Variants in SPON1 observed in about 807,000 individuals in gnomAD.
SPON1 encodes spondin 1.
SPON1 carries 52 observed loss-of-function variants against 111.7 expected under a neutral mutation model. That is an observed-to-expected ratio of 0.47 (90% CI 0.37 to 0.59). The LOEUF is 0.59. Among genes scored for constraint, SPON1 ranks in the 20% least tolerant of loss-of-function variants. The pLI, the probability that SPON1 is intolerant of heterozygous loss-of-function variation, is 0.00. For synonymous variants in SPON1, 410 were observed against 395.8 expected (o/e 1.04, Z -0.43); for missense variants, 957 against 1,068.5 (o/e 0.90, Z 1.46).
At chr11:13,965,498 A>G (rs1848009439) in intron 1 of SPON1, among the ~76,000 whole-genome samples, 1 of 152,226 alleles carries the variant, frequency 6.6e-6, no homozygotes, top group Non-Finnish European at 1.5e-5. Flanking sequence ...GTCCAGGGCC[A>G]GCAGGTGGGG....
At chr11:14,144,863 G>A (rs1302649957) in intron 6 of SPON1, among the ~76,000 whole-genome samples, 1 of 151,936 alleles carries the variant, frequency 6.6e-6, no homozygotes, top group African/African-American at 2.4e-5. Flanking sequence ...AGTCAGATTG[G>A]GTCTGTTTTT....
At chr11:14,172,067 G>C (rs1409830093) in intron 6 of SPON1, among the ~76,000 whole-genome samples, 1 of 152,238 alleles carries the variant, frequency 6.6e-6, no homozygotes, top group East Asian at 1.9e-4. Context: ...CTGTCTCGTT[G>C]ATCTGTCTAA....
At position 14,265,521 on chromosome 11, in the gene SPON1, C is replaced by T; in HGVS notation, c.2261-3C>T. 2 of 1,611,954 alleles carry T rather than the reference C, an allele frequency of 1.2e-6. No individual in the cohort carries two copies. The highest frequency in any genetic ancestry group is 2.2e-5 in the South Asian group (2 of 90,454). On this transcript the variant is annotated splice_region_variant and splice_polypyrimidine_tract_variant and intron_variant, in intron 15 of 15. Coordinates refer to ENST00000576479, the MANE Select transcript of SPON1 (RefSeq NM_006108.4). ...GCCTAACAAGGCATTCTCATGCTTTCAGGTTGTAGGATGCGCCCATGGACG... is the reference window on the plus strand; with the variant it reads ...GCCTAACAAGGCATTCTCATGCTTTTAGGTTGTAGGATGCGCCCATGGACG...
rs1377159917 is a variant in SPON1, at chr11:14,228,904, AAAATAT to A, written c.826-14417_826-14412del. 6.6e-6 allele frequency among the ~76,000 whole-genome samples: 1 copy of A among 152,326 alleles called. No homozygotes were observed. The highest frequency in any genetic ancestry group is 1.9e-4 in the East Asian group (1 of 5,188). On this transcript the variant is annotated intron_variant, in intron 6 of 15. Transcript: ENST00000576479. The surrounding 1 kb of genome is among the most constrained non-coding windows in gnomAD (Gnocchi z 4.2). Reference sequence around the variant, plus strand: ...CACAATCTATTATTTTATTCTCACAAAAATATAAATATAAATGTTTAAATTCCCACA... The same window carrying A: ...CACAATCTATTATTTTATTCTCACAAAAATATAAATGTTTAAATTCCCACA...
At chr11:14,262,515 C>T (rs981996124) in intron 14 of SPON1, 197 bp from the exon 15 acceptor site, 11 of 658,552 alleles carry the variant, frequency 1.7e-5, no homozygotes, top group Non-Finnish European at 2.8e-5. Context: ...TGGCACCAAT[C>T]CTGCCTCTGC....
chr11:14,261,571 A>C (rs1849182815), intron 14 of SPON1, among the ~76,000 whole-genome samples: 1 of 152,228 alleles, frequency 6.6e-6, no homozygotes, highest in Admixed American at 6.5e-5. Context: ...CATGGCAAGG[A>C]TAGGCCTTAC....
chr11:14,002,942 G>A (rs1161754521), intron 2 of SPON1, among the ~76,000 whole-genome samples: 5 of 151,930 alleles, frequency 3.3e-5, no homozygotes, highest in African/African-American at 7.3e-5. Context: ...GCCCCACCTC[G>A]ACAGCCAAGC....
chr11:14,106,635 G>A lies in SPON1; in HGVS notation c.676+26614G>A, dbSNP rs553264370. On this transcript the variant is annotated intron_variant, in intron 5 of 15. Transcript: ENST00000576479. ...AAGAAATACTTGCAGCTTTTTCCTAGACTCAGTTGAATTCAGAGTGAAAGA... is the reference window on the plus strand; with the variant it reads ...AAGAAATACTTGCAGCTTTTTCCTAAACTCAGTTGAATTCAGAGTGAAAGA... 2.8e-3 allele frequency among the ~76,000 whole-genome samples: 422 copies of A among 152,254 alleles called. 1 individual carries two copies. Among genetic ancestry groups the A allele is most frequent in the African/African-American group, 9.2e-3 (383 of 41,554 alleles).
chr11:14,095,988 A>T (rs1849097953), intron 5 of SPON1, among the ~76,000 whole-genome samples: 2 of 152,262 alleles, frequency 1.3e-5, no homozygotes, highest in South Asian at 4.1e-4. Context: ...ATGATGGGAC[A>T]GGAGACATTG....
chr11:14,258,183 C>T (rs1409389708), intron 11 of SPON1, among the ~76,000 whole-genome samples: 5 of 152,204 alleles, frequency 3.3e-5, no homozygotes, highest in African/African-American at 1.2e-4. Flanking sequence ...TAACACATAG[C>T]CTGCTTCTGG....
At chr11:14,035,331 C>A (rs1471618492) in intron 2 of SPON1, among the ~76,000 whole-genome samples, 1 of 152,074 alleles carries the variant, frequency 6.6e-6, no homozygotes. Flanking sequence ...GTTGTTGAAC[C>A]CATCTGCATT....
intron 2 of SPON1, among the ~76,000 whole-genome samples, chr11:13,988,190 G>A (rs1227172968): frequency 6.6e-6 from 1 of 152,192 alleles, no homozygotes; most frequent in African/African-American, 2.4e-5. Context: ...CATGAGCATG[G>A]AATGTTTTTC....
At chr11:14,147,135 T>C (rs1171293777) in intron 6 of SPON1, among the ~76,000 whole-genome samples, 3 of 142,558 alleles carry the variant, frequency 2.1e-5, no homozygotes, top group Non-Finnish European at 4.5e-5. Flanking sequence ...GTTCAAGCAA[T>C]TCTCCTGTCT....
chr11:14,259,532 A>G lies in SPON1; in HGVS notation c.1664-2A>G. 1 of 1,554,820 alleles carries G rather than the reference A, an allele frequency of 6.4e-7. No individual in the cohort carries two copies. The highest frequency in any genetic ancestry group is 8.7e-7 in the Non-Finnish European group (1 of 1,149,380). ...CGACTCCAATGCCGCTGGCCTCCCC[A>G]GCTCCCAGCAGCTGCCTGATGACCG... On this transcript the variant is annotated splice_acceptor_variant, in intron 12 of 15. Coordinates refer to ENST00000576479, the MANE Select transcript of SPON1 (RefSeq NM_006108.4). LOFTEE classifies it high-confidence loss of function. This position sits in a 1 kb window ranked among gnomAD's most constrained non-coding sequence, Gnocchi z 5.0.
intron 4 of SPON1, among the ~76,000 whole-genome samples, chr11:14,076,439 T>A (rs1554921452): frequency 6.6e-6 from 1 of 152,260 alleles, no homozygotes; most frequent in Non-Finnish European, 1.5e-5. Context: ...GGTGCTTTGC[T>A]ACGTGCCAAT....
intron 1 of SPON1, among the ~76,000 whole-genome samples, chr11:13,970,825 G>C (rs973685293): frequency 5.9e-5 from 9 of 152,232 alleles, no homozygotes; most frequent in African/African-American, 1.9e-4. Context: ...GCCTGATTTT[G>C]TTTTCTTCAT....
chr11:14,204,979 G>A (rs1024969075), intron 6 of SPON1, among the ~76,000 whole-genome samples: 4 of 152,062 alleles, frequency 2.6e-5, no homozygotes, highest in Non-Finnish European at 5.9e-5. Flanking sequence ...GAGCCACCGC[G>A]CCTGGCCGAT....
At chr11:13,993,475 AT>A (rs1167593999) in intron 2 of SPON1, among the ~76,000 whole-genome samples, 1 of 152,180 alleles carries the variant, frequency 6.6e-6, no homozygotes, top group African/African-American at 2.4e-5. Context: ...GCTCCCTGGA[AT>A]GCTGTGGCCC....
intron 6 of SPON1, among the ~76,000 whole-genome samples, chr11:14,216,752 AC>A (rs1848630364): frequency 6.6e-6 from 1 of 152,172 alleles, no homozygotes; most frequent in African/African-American, 2.4e-5. Flanking sequence ...AACCCAAATT[AC>A]CTGTTATTGG....
Sources: gnomAD v4.1 joint callset for allele counts (sites outside exome capture counted in the v4.1 genomes callset) on GRCh38, gnomAD v4.1.1 for gene constraint, Gnocchi (gnomAD v3.1) non-coding constraint, MANE v1.5 for transcripts, NCBI Gene and HGNC (gene_info 2026-07-23, HGNC 2026-07-21) for gene names.